Variants in PPP6R2 observed in about 807,000 individuals in gnomAD.
PPP6R2 encodes protein phosphatase 6 regulatory subunit 2, also known as serine/threonine-protein phosphatase 6 regulatory subunit 2.
PPP6R2 carries 62 observed loss-of-function variants against 100.2 expected under a neutral mutation model. That is an observed-to-expected ratio of 0.62 (90% CI 0.50 to 0.76). PPP6R2 has a LOEUF of 0.76. Ranked by LOEUF, PPP6R2 falls within the 30% of genes least tolerant of loss-of-function variation. The probability of loss-of-function intolerance (pLI) is 0.00; values close to 1 mark genes in which losing one functional copy is unlikely to be tolerated. For missense variants in PPP6R2, 1,142 were observed against 1,276.3 expected, an observed-to-expected ratio of 0.89 and a Z score of 1.60; for synonymous variants, 525 against 514.7, an observed-to-expected ratio of 1.02 and a Z score of -0.27.
In PPP6R2 at chr22:50,422,089, G is replaced by A. The variant is rs112439629; in HGVS notation, c.846-165G>A. ...GTACCTTTCTCTTCTGCCTGTACCA[G>A]TCACCAGATCACGTGTGGAGACGCT... On this transcript the variant is annotated intron_variant, in intron 8 of 23. Transcript: ENST00000612753. 1.3e-4 allele frequency among the ~76,000 whole-genome samples: 20 copies of A among 152,234 alleles called. 2 individuals are homozygous for A. Among genetic ancestry groups the A allele is most frequent in the African/African-American group, 4.6e-4 (19 of 41,544 alleles).
rs78628044 is a variant in PPP6R2 at position 50,383,307 on chromosome 22, G to T, written c.-16-10586G>T. ...CCCAAGTGTCCTGGTTTTTCCTGTG[G>T]TCCTGGTCTCATTAAGAAAGTGTTT... On this transcript the variant is annotated intron_variant, in intron 2 of 23. Transcript: ENST00000612753. 6.9e-3 allele frequency among the ~76,000 whole-genome samples: 1,055 copies of T among 152,282 alleles called. 6 individuals carry two copies. Among genetic ancestry groups the T allele is most frequent in the South Asian group, 0.03 (147 of 4,832 alleles).
chr22:50,338,988 TGTA>T (rs1490562115), upstream of PPP6R2, among the ~76,000 whole-genome samples: 1 of 136,266 alleles, frequency 7.3e-6, no homozygotes, highest in Non-Finnish European at 1.6e-5. Context: ...GTGTGTGGTA[TGTA>T]GTATGTGTGG....
chr22:50,390,260 G>A (rs1242733126), intron 2 of PPP6R2, among the ~76,000 whole-genome samples: 1 of 152,098 alleles, frequency 6.6e-6, no homozygotes, highest in Non-Finnish European at 1.5e-5. Context: ...CCAAAGTGCT[G>A]AGATTACAGG....
the PPP6R2 span, among the ~76,000 whole-genome samples, chr22:50,333,007 G>A: frequency 6.6e-6 from 1 of 152,070 alleles, no homozygotes; most frequent in Admixed American, 6.6e-5. Flanking sequence ...TGACTTAGGA[G>A]CGAGGTGTGG....
At chr22:50,438,840 C>A in intron 19 of PPP6R2, 78 bp downstream of exon 19, 3 of 1,400,546 alleles carry the variant, frequency 2.1e-6, no homozygotes, top group Non-Finnish European at 2.9e-6. Flanking sequence ...GTTGTGGAGG[C>A]TTCATTTGGA....
chr22:50,425,174 A>G (rs1663796166), intron 10 of PPP6R2, among the ~76,000 whole-genome samples: 1 of 152,154 alleles, frequency 6.6e-6, no homozygotes, highest in South Asian at 2.1e-4. Flanking sequence ...CCCTCTCCAC[A>G]GTCTCTGGCA....
intron 4 of PPP6R2, among the ~76,000 whole-genome samples, chr22:50,410,879 G>A (rs1350404387): frequency 3.3e-5 from 5 of 151,894 alleles, no homozygotes; most frequent in Non-Finnish European, 7.4e-5. Flanking sequence ...TGCAACCTCC[G>A]CCCCCTGGTT....
intron 1 of PPP6R2, among the ~76,000 whole-genome samples, chr22:50,358,143 T>TG (rs1025468313): frequency 1.3e-5 from 2 of 151,740 alleles, no homozygotes; most frequent in African/African-American, 4.8e-5. Context: ...TTGGTAGAGA[T>TG]GGGGGTCTCT....
In PPP6R2 at chr22:50,423,420, T is replaced by G. The variant is rs766834073; in HGVS notation, c.973-42T>G. On this transcript the variant is annotated intron_variant, in intron 9 of 23. Coordinates refer to ENST00000612753, the MANE Select transcript of PPP6R2 (RefSeq NM_001242898.2). The surrounding 1 kb of genome is among the most constrained non-coding windows in gnomAD (Gnocchi z 4.8). ...CCAGAGACTCCAGCAGTGGCCTCACTGCTCACAGGGCCTAACTGGGTGGTG... is the reference window on the plus strand; with the variant it reads ...CCAGAGACTCCAGCAGTGGCCTCACGGCTCACAGGGCCTAACTGGGTGGTG... 6.2e-7 allele frequency: 1 copy of G among 1,611,276 alleles called. No homozygotes were observed.
chr22:50,440,734 C>A, intron 21 of PPP6R2, 88 bp from the exon 22 acceptor site: 1 of 1,440,516 alleles, frequency 6.9e-7, no homozygotes, highest in Non-Finnish European at 9.7e-7. Flanking sequence ...TGTGAGAGGG[C>A]CACATGTATG....
rs956122394 is a variant in PPP6R2, at chr22:50,404,096, T to C, written c.228-2593T>C. Among the ~76,000 whole-genome samples, 3 of 139,936 alleles carry C rather than the reference T, an allele frequency of 2.1e-5. No individual in the cohort carries two copies. The South Asian group carries it at 6.9e-4, about 32-fold the overall frequency. The allele number at this position is 139,936 out of a possible 152,430, so 91.8% of individuals were successfully genotyped here. A position where few individuals can be genotyped will look rare whatever the true frequency, so the allele number is the denominator to read the frequency against. On this transcript the variant is annotated intron_variant, in intron 3 of 23. Transcript: ENST00000612753. ...CTGTCACCTGCACATTCTATTTTTTTTTTTTTTTTTTTCTGGAAACAAGAG... is the reference window on the plus strand; with the variant it reads ...CTGTCACCTGCACATTCTATTTTTTCTTTTTTTTTTTTCTGGAAACAAGAG...
At chr22:50,403,934 C>G (rs969996565) in intron 3 of PPP6R2, among the ~76,000 whole-genome samples, 11 of 152,152 alleles carry the variant, frequency 7.2e-5, no homozygotes, top group Non-Finnish European at 1.2e-4. Context: ...TCCAGCCGGT[C>G]GCGTGGACCA....
At chr22:50,393,575 A>G in intron 2 of PPP6R2, 1 of 979,574 alleles carries the variant, frequency 1.0e-6, no homozygotes, top group Non-Finnish European at 1.2e-6. Flanking sequence ...GGGTTAGCCC[A>G]GAGGAGAACC....
At chr22:50,397,259 G>C (rs1403596324) in intron 3 of PPP6R2, among the ~76,000 whole-genome samples, 1 of 152,094 alleles carries the variant, frequency 6.6e-6, no homozygotes, top group African/African-American at 2.4e-5. Flanking sequence ...AAGAGGACTA[G>C]GGGAAGACTT....
intron 6 of PPP6R2, among the ~76,000 whole-genome samples, chr22:50,417,905 G>A (rs2060763182): frequency 6.6e-6 from 1 of 152,194 alleles, no homozygotes; most frequent in Non-Finnish European, 1.5e-5. Context: ...GTGAACCAAT[G>A]CTGCAGGGAG....
rs1333104873 is a variant in PPP6R2, at chr22:50,422,289, T to A, written c.881T>A (p.Leu294Gln). 6.2e-7 allele frequency: 1 copy of A among 1,614,050 alleles called. No individual in the cohort carries two copies. Among genetic ancestry groups the A allele is most frequent in the Non-Finnish European group, 8.5e-7 (1 of 1,179,950 alleles). ...EGLVDSFSQG[L>Q]ERSYAVSSSV... is the part of the protein sequence containing the mutation. ...TTGGTGGACTCCTTTTCTCAGGGAC[T>A]GGAAAGGTCATACGCTGTCAGCAGC... Residue 294 changes from leucine to glutamine, a missense_variant, in exon 9 of 24, where the codon CTG becomes CAG. Transcript: ENST00000612753.
At position 50,409,695 on chromosome 22, in the gene PPP6R2, G is replaced by A. The variant is rs565353369; in HGVS notation, c.414+2820G>A. On this transcript the variant is annotated intron_variant, in intron 4 of 23. Coordinates refer to ENST00000612753, the MANE Select transcript of PPP6R2 (RefSeq NM_001242898.2). ...CCCACCTTGGCCTCCCAAAGTGTTG[G>A]GATTACAGGCGTAAGCCACCGCGCC... Among the ~76,000 whole-genome samples the A allele has an allele frequency of 1.5e-3, 232 of 151,934 alleles. 1 individual carries two copies. The highest frequency in any genetic ancestry group is 5.4e-3 in the African/African-American group (222 of 41,404).
chr22:50,377,037 A>T (rs1030913485), intron 2 of PPP6R2, among the ~76,000 whole-genome samples: 16 of 152,216 alleles, frequency 1.1e-4, no homozygotes, highest in Admixed American at 7.9e-4. Flanking sequence ...AAAAAAATAA[A>T]AAATAAAAAG....
At chr22:50,340,709 A>G (rs917740799), upstream of PPP6R2, among the ~76,000 whole-genome samples, 4 of 151,750 alleles carry the variant, frequency 2.6e-5, no homozygotes, top group African/African-American at 9.7e-5. Context: ...AAGCACAGCA[A>G]TGACCAAGGA....
Sources: gnomAD v4.1 joint callset for allele counts (sites outside exome capture counted in the v4.1 genomes callset) on GRCh38, gnomAD v4.1.1 for gene constraint, Gnocchi (gnomAD v3.1) non-coding constraint, MANE v1.5 for transcripts, NCBI Gene and HGNC (gene_info 2026-07-23, HGNC 2026-07-21) for gene names.